Variants in GRXCR2 observed in about 807,000 individuals in gnomAD.
GRXCR2 encodes the protein glutaredoxin and cysteine rich domain containing 2, also known as glutaredoxin domain-containing cysteine-rich protein 2.
In GRXCR2, 23 loss-of-function variants were observed where a neutral mutation model predicts 24.8. The ratio of observed to expected loss-of-function variants is 0.93; its 90% confidence interval spans 0.67 to 1.32. The LOEUF (loss-of-function observed/expected upper bound fraction) is 1.32, where lower values mean the gene tolerates loss of function less well. GRXCR2 is among the 40% of genes most tolerant of loss of function. The probability of loss-of-function intolerance (pLI) is 0.00; values close to 1 mark genes in which losing one functional copy is unlikely to be tolerated. For missense variants in GRXCR2, 315 were observed against 303.4 expected (o/e 1.04, Z -0.28); for synonymous variants, 130 against 116.1 (o/e 1.12, Z -0.77).
intron 2 of GRXCR2, among the ~76,000 whole-genome samples, chr5:145,916,862 C>G (rs980780292): frequency 1.3e-5 from 2 of 152,088 alleles, no homozygotes; most frequent in East Asian, 3.9e-4. Flanking sequence ...CTAGAGCAAG[C>G]CCTTGACCAC....
intron 2 of GRXCR2, among the ~76,000 whole-genome samples, chr5:145,906,589 T>C (rs1757092390): frequency 6.6e-6 from 1 of 152,194 alleles, no homozygotes; most frequent in South Asian, 2.1e-4. Flanking sequence ...TCCAATCACA[T>C]TCCTTTCTGG....
At chr5:145,921,539 A>G (rs138037193) in intron 2 of GRXCR2, among the ~76,000 whole-genome samples, 10 of 152,314 alleles carry the variant, frequency 6.6e-5, no homozygotes, top group East Asian at 1.9e-4. Context: ...TTCAATTCCT[A>G]TTAACTGAGT....
chr5:145,878,738 A>G (rs1330299518), intron 2 of GRXCR2, among the ~76,000 whole-genome samples: 7 of 152,232 alleles, frequency 4.6e-5, no homozygotes, highest in South Asian at 4.1e-4. Flanking sequence ...CTCAAAACAC[A>G]TAATTGTCAG....
chr5:145,876,672 T>A (rs1756622431), upstream of GRXCR2, among the ~76,000 whole-genome samples: 1 of 152,110 alleles, frequency 6.6e-6, no homozygotes, highest in Non-Finnish European at 1.5e-5. Context: ...CAAGTAACAT[T>A]TCTTCAACAC....
chr5:145,888,485 C>A (rs757197912), intron 2 of GRXCR2, among the ~76,000 whole-genome samples: 17 of 152,172 alleles, frequency 1.1e-4, no homozygotes, highest in Non-Finnish European at 2.1e-4. Flanking sequence ...TGCTAACAAC[C>A]TGTGCAGGTT....
At chr5:145,876,583 C>T (rs1421184596), upstream of GRXCR2, among the ~76,000 whole-genome samples, 1 of 152,142 alleles carries the variant, frequency 6.6e-6, no homozygotes, top group Non-Finnish European at 1.5e-5. Context: ...TCCACAACTA[C>T]TTGTCAAGTA....
chr5:145,890,463 G>A (rs1756848170), intron 2 of GRXCR2, among the ~76,000 whole-genome samples: 1 of 152,116 alleles, frequency 6.6e-6, no homozygotes, highest in African/African-American at 2.4e-5. Context: ...TAAATTACTG[G>A]CATTCCTGAG....
At chr5:145,867,311 C>A (rs566189942) in intron 1 of GRXCR2, among the ~76,000 whole-genome samples, 2 of 152,218 alleles carry the variant, frequency 1.3e-5, no homozygotes, top group African/African-American at 4.8e-5. Context: ...CAGAGTTACT[C>A]GGGCACTGTA....
intron 2 of GRXCR2, among the ~76,000 whole-genome samples, chr5:145,879,928 T>A (rs1756674425): frequency 6.6e-6 from 1 of 152,168 alleles, no homozygotes; most frequent in Non-Finnish European, 1.5e-5. Context: ...CTGAACAACC[T>A]GCTCCTGAAC....
rs1258427434 is a variant in GRXCR2 at position 145,858,751 on chromosome 5, A to G, written c.*982T>C. 1 of 152,206 alleles carries G rather than the reference A, an allele frequency of 6.6e-6. No homozygotes were observed. Among genetic ancestry groups the G allele is most frequent in the South Asian group, 2.1e-4 (1 of 4,832 alleles). 9.4% of individuals were successfully genotyped at this position (152,206 alleles called of 1,614,324 possible). ...TTAGAGCTATAAAAGTTCATTAACA[A>G]AAGTATGTTCTAATTTTATAACCAA... On this transcript the variant is annotated 3_prime_UTR_variant, in exon 3 of 3. Coordinates refer to ENST00000377976, the MANE Select transcript of GRXCR2 (RefSeq NM_001080516.2).
intron 2 of GRXCR2, among the ~76,000 whole-genome samples, chr5:145,878,447 G>C (rs777362104): frequency 6.6e-6 from 1 of 152,170 alleles, no homozygotes; most frequent in Non-Finnish European, 1.5e-5. Flanking sequence ...AAGGGTATCA[G>C]TGATTGAAGA....
intron 1 of GRXCR2, among the ~76,000 whole-genome samples, chr5:145,869,835 G>A (rs2149911116): frequency 6.6e-6 from 1 of 152,256 alleles, no homozygotes; most frequent in Admixed American, 6.5e-5. Flanking sequence ...GGGATTACAG[G>A]TGTGGGCCAC....
chr5:145,897,863 G>T (rs891165878), intron 2 of GRXCR2, among the ~76,000 whole-genome samples: 7 of 151,932 alleles, frequency 4.6e-5, no homozygotes, highest in Non-Finnish European at 1.0e-4. Flanking sequence ...TACTCAAAAA[G>T]TTAGAAAAAT....
chr5:145,891,697 AC>A (rs1451839219), intron 2 of GRXCR2, among the ~76,000 whole-genome samples: 3 of 152,124 alleles, frequency 2.0e-5, no homozygotes, highest in Non-Finnish European at 4.4e-5. Flanking sequence ...TGTAGACTCC[AC>A]CTCTGGGGGC....
chr5:145,879,278 T>A (rs1207285196), intron 2 of GRXCR2, among the ~76,000 whole-genome samples: 2 of 151,402 alleles, frequency 1.3e-5, no homozygotes, highest in Admixed American at 1.3e-4. Context: ...GACCCATCAG[T>A]GTGCTGTATT....
intron 2 of GRXCR2, among the ~76,000 whole-genome samples, chr5:145,908,804 T>C (rs1216367143): frequency 3.3e-5 from 5 of 152,176 alleles, no homozygotes; most frequent in Non-Finnish European, 7.4e-5. Flanking sequence ...CCAAGATTAC[T>C]CAAGGCTGCT....
chr5:145,861,426 A>G (rs773463299), intron 2 of GRXCR2, among the ~76,000 whole-genome samples: 14 of 151,992 alleles, frequency 9.2e-5, no homozygotes, highest in South Asian at 2.1e-4. Context: ...CCTTTCCCCA[A>G]TCCCAACGCA....
At chr5:145,861,783 T>A (rs1180271920) in intron 2 of GRXCR2, among the ~76,000 whole-genome samples, 1 of 152,166 alleles carries the variant, frequency 6.6e-6, no homozygotes, top group Non-Finnish European at 1.5e-5. Context: ...TCTGCCCAAC[T>A]CATTCAGCTT....
chr5:145,880,488 A>G (rs13159669), intron 2 of GRXCR2, among the ~76,000 whole-genome samples: 15,399 of 150,688 alleles, frequency 0.1, 1,672 homozygotes, highest in African/African-American at 0.27. Context: ...CTCCCAAGAC[A>G]GAAGAATCTC....
Sources: gnomAD v4.1 joint callset for allele counts (sites outside exome capture counted in the v4.1 genomes callset) on GRCh38, gnomAD v4.1.1 for gene constraint, MANE v1.5 for transcripts, NCBI Gene and HGNC (gene_info 2026-07-23, HGNC 2026-07-21) for gene names.